Variants in UTRN observed in about 807,000 individuals in gnomAD.
The protein encoded by UTRN is utrophin.
A neutral mutation model predicts 463.9 loss-of-function variants in UTRN; 283 were observed. The observed-to-expected ratio is 0.61, with a 90% CI of 0.55 to 0.67. UTRN has a LOEUF of 0.67. Among genes scored for constraint, UTRN ranks in the 30% least tolerant of loss-of-function variants. The probability of loss-of-function intolerance (pLI) is 0.00; values close to 1 mark genes in which losing one functional copy is unlikely to be tolerated. For synonymous variants in UTRN, 1,442 were observed against 1,431.5 expected (o/e 1.01, Z -0.17); for missense variants, 3,922 against 4,084.3 (o/e 0.96, Z 1.08).
chr6:144,334,995 A>G (rs1283229070), intron 2 of UTRN, among the ~76,000 whole-genome samples: 1 of 152,224 alleles, frequency 6.6e-6, no homozygotes, highest in East Asian at 1.9e-4. Context: ...GTGAATACAG[A>G]CCAAATTATA....
intron 2 of UTRN, among the ~76,000 whole-genome samples, chr6:144,296,637 T>C (rs1181218581): frequency 6.6e-6 from 1 of 152,256 alleles, no homozygotes; most frequent in African/African-American, 2.4e-5. Context: ...ATTTGACCTC[T>C]ATGGAGTGCC....
chr6:144,289,424 G>C (rs1804011402), intron 1 of UTRN, among the ~76,000 whole-genome samples: 1 of 152,010 alleles, frequency 6.6e-6, no homozygotes, highest in African/African-American at 2.4e-5. Context: ...TATTACAATA[G>C]AAAGAATAGC....
At chr6:144,574,976 A>T (rs1446421368) in intron 50 of UTRN, among the ~76,000 whole-genome samples, 3 of 152,160 alleles carry the variant, frequency 2.0e-5, no homozygotes, top group African/African-American at 7.2e-5. Flanking sequence ...AAAAACTGCC[A>T]GCTGTTTTTC....
chr6:144,482,091 T>G (rs953300967), intron 26 of UTRN, 118 bp from the exon 27 acceptor site: 1 of 879,826 alleles, frequency 1.1e-6, no homozygotes, highest in African/African-American at 1.7e-5. Flanking sequence ...ATTTTGGCAG[T>G]TAGAATCATC....
intron 65 of UTRN, among the ~76,000 whole-genome samples, chr6:144,803,348 A>T (rs79612504): frequency 6.6e-6 from 1 of 151,596 alleles, no homozygotes; most frequent in Non-Finnish European, 1.5e-5. Flanking sequence ...CTGTGTTTTG[A>T]TTTTAAACTT....
At chr6:144,453,600 T>G (rs894032666) in intron 18 of UTRN, among the ~76,000 whole-genome samples, 182 bp from the exon 19 acceptor site, 2 of 152,212 alleles carry the variant, frequency 1.3e-5, no homozygotes, top group African/African-American at 4.8e-5. Flanking sequence ...CTTATAATTA[T>G]GAGGTACATT....
chr6:144,849,617 T>C (rs7747041), intron 74 of UTRN, among the ~76,000 whole-genome samples: 13,650 of 152,084 alleles, frequency 0.09, 695 homozygotes, highest in South Asian at 0.15. Flanking sequence ...CTCTTCTCTT[T>C]TCTTCATTTT....
intron 51 of UTRN, among the ~76,000 whole-genome samples, chr6:144,634,358 T>C (rs1585689325): frequency 6.6e-6 from 1 of 152,176 alleles, no homozygotes; most frequent in East Asian, 1.9e-4. Flanking sequence ...GGTCATCTTT[T>C]GGCCATCCCT....
chr6:144,790,674 G>GT (rs1031027469), intron 62 of UTRN, among the ~76,000 whole-genome samples: 1 of 152,160 alleles, frequency 6.6e-6, no homozygotes, highest in Admixed American at 6.5e-5. Flanking sequence ...AATTGAAGTA[G>GT]TTTTTGGAAT....
At chr6:144,512,421 A>G (rs764181085) in intron 35 of UTRN, among the ~76,000 whole-genome samples, 1 of 152,150 alleles carries the variant, frequency 6.6e-6, no homozygotes, top group Non-Finnish European at 1.5e-5. Context: ...AGTTCTTCCT[A>G]CTTAGAATCC....
At chr6:144,303,563 C>G (rs1031301510) in intron 2 of UTRN, among the ~76,000 whole-genome samples, 4 of 152,162 alleles carry the variant, frequency 2.6e-5, no homozygotes, top group African/African-American at 9.7e-5. Flanking sequence ...CACAGTACCT[C>G]TTGGTCAGTT....
chr6:144,584,643 A>G (rs994352618), intron 51 of UTRN, among the ~76,000 whole-genome samples: 10 of 152,140 alleles, frequency 6.6e-5, no homozygotes, highest in Non-Finnish European at 1.0e-4. Context: ...ATTTCTTACA[A>G]TTTGGCCAAT....
chr6:144,305,016 C>T (rs1805593605), intron 2 of UTRN, among the ~76,000 whole-genome samples: 1 of 151,648 alleles, frequency 6.6e-6, no homozygotes, highest in Non-Finnish European at 1.5e-5. Flanking sequence ...ACTACAATCT[C>T]CCCTTCCTGG....
At chr6:144,772,691 T>C (rs964831679) in intron 59 of UTRN, among the ~76,000 whole-genome samples, 8 of 152,256 alleles carry the variant, frequency 5.3e-5, no homozygotes, top group Non-Finnish European at 8.8e-5. Context: ...TTAGCTCACC[T>C]AGTTTAAATT....
chr6:144,690,444 CAA>C (rs990982827), intron 52 of UTRN, among the ~76,000 whole-genome samples: 2 of 152,144 alleles, frequency 1.3e-5, no homozygotes, highest in Admixed American at 6.5e-5. Context: ...CACTGAAACT[CAA>C]AACTGCCCCA....
chr6:144,376,684 TA>T (rs924463867), intron 2 of UTRN, among the ~76,000 whole-genome samples: 4 of 152,288 alleles, frequency 2.6e-5, no homozygotes, highest in Non-Finnish European at 5.9e-5. Flanking sequence ...TTTATAGCAT[TA>T]TGTTCTTTAC....
intron 32 of UTRN, among the ~76,000 whole-genome samples, chr6:144,492,659 C>G (rs1793181365): frequency 6.6e-6 from 1 of 152,212 alleles, no homozygotes; most frequent in African/African-American, 2.4e-5. Flanking sequence ...GTTCCCTTTT[C>G]TCTGCAGCCT....
intron 60 of UTRN, among the ~76,000 whole-genome samples, chr6:144,778,330 G>T (rs1775516650): frequency 2.0e-5 from 3 of 152,128 alleles, no homozygotes. Flanking sequence ...ACGGTTTGCA[G>T]ACTGGATTTC....
At chr6:144,744,558 T>G (rs1790486596) in intron 54 of UTRN, among the ~76,000 whole-genome samples, 1 of 148,494 alleles carries the variant, frequency 6.7e-6, no homozygotes. Context: ...TTTTGGCCAG[T>G]TCAATGGGAA....
Sources: allele counts gnomAD v4.1 joint callset (sites outside exome capture counted in the v4.1 genomes callset), GRCh38; gene constraint gnomAD v4.1.1; transcripts MANE v1.5; gene names NCBI Gene and HGNC (gene_info 2026-07-23, HGNC 2026-07-21).